Variants in PCDHA12 observed in about 807,000 individuals in gnomAD.
PCDHA12 encodes protocadherin alpha 12.
PCDHA12 carries 44 observed loss-of-function variants against 60.0 expected under a neutral mutation model. That is an observed-to-expected ratio of 0.73 (90% CI 0.58 to 0.94). The LOEUF is 0.94. Ranked by LOEUF, PCDHA12 falls within the 40% of genes least tolerant of loss-of-function variation. The pLI, the probability that PCDHA12 is intolerant of heterozygous loss-of-function variation, is 0.00. For missense variants in PCDHA12, 1,276 were observed against 1,239.7 expected (o/e 1.03, Z -0.44); for synonymous variants, 569 against 553.0 (o/e 1.03, Z -0.40).
At chr5:140,923,577 G>C (rs1456273088) in intron 1 of PCDHA12, among the ~76,000 whole-genome samples, 3 of 152,196 alleles carry the variant, frequency 2.0e-5, no homozygotes, top group Non-Finnish European at 4.4e-5. Context: ...CTGCTAAAGA[G>C]AAGGTTTGTT....
chr5:140,876,637 C>T lies in PCDHA12; in HGVS notation c.1165C>T (p.Leu389=). The stretch of plus-strand genomic sequence containing the variant: ...AGCCAATGGACAGGTCATCTGCTCA[C>T]TGACACCTCATGTTCCCTTCAAGCT... ...SGANGQVICS[L]TPHVPFKLVS... The change falls in exon 1 of 4, where the codon CTG becomes TTG. Residue 389 remains leucine, a synonymous_variant. Transcript: ENST00000398631. 1 of 1,614,206 alleles carries T rather than the reference C, an allele frequency of 6.2e-7. No homozygotes were observed. The highest frequency in any genetic ancestry group is 8.5e-7 in the Non-Finnish European group (1 of 1,180,028).
chr5:140,890,585 A>G (rs1158719431), intron 1 of PCDHA12, among the ~76,000 whole-genome samples: 1 of 152,086 alleles, frequency 6.6e-6, no homozygotes, highest in Admixed American at 6.5e-5. Context: ...TATTATTTGG[A>G]AGCCCTTTTC....
At chr5:140,906,709 GC>G (rs1228410148) in intron 1 of PCDHA12, among the ~76,000 whole-genome samples, 7 of 152,190 alleles carry the variant, frequency 4.6e-5, no homozygotes, top group African/African-American at 1.4e-4. Context: ...TTGTAGTCCT[GC>G]CTGGATTGTG....
At chr5:140,946,857 G>T (rs2094041766) in intron 1 of PCDHA12, among the ~76,000 whole-genome samples, 1 of 151,296 alleles carries the variant, frequency 6.6e-6, no homozygotes, top group Non-Finnish European at 1.5e-5. Flanking sequence ...GAGAGATTGA[G>T]GAGAGGTTGG....
At chr5:140,880,643 A>G (rs937655917) in intron 1 of PCDHA12, among the ~76,000 whole-genome samples, 1 of 152,198 alleles carries the variant, frequency 6.6e-6, no homozygotes, top group African/African-American at 2.4e-5. Context: ...TTCACTTGAG[A>G]GCCCAACTGA....
intron 3 of PCDHA12, among the ~76,000 whole-genome samples, chr5:140,997,018 A>G (rs1403831704): frequency 6.6e-6 from 1 of 151,882 alleles, no homozygotes; most frequent in African/African-American, 2.4e-5. Flanking sequence ...ATCCTCCAAT[A>G]TTTTTTTGAA....
intron 3 of PCDHA12, among the ~76,000 whole-genome samples, chr5:140,996,816 A>G (rs1587722851): frequency 6.6e-6 from 1 of 152,264 alleles, no homozygotes; most frequent in Non-Finnish European, 1.5e-5. Flanking sequence ...TTCCAAAAGT[A>G]ACCACTACCA....
chr5:140,882,735 G>C, intron 1 of PCDHA12: 1 of 1,614,216 alleles, frequency 6.2e-7, no homozygotes, highest in Non-Finnish European at 8.5e-7. Flanking sequence ...CCACTAGATG[G>C]CGCATCCGAT....
chr5:141,005,814 A>G (rs947359019), intron 3 of PCDHA12, among the ~76,000 whole-genome samples: 1 of 149,766 alleles, frequency 6.7e-6, no homozygotes, highest in Non-Finnish European at 1.5e-5. Context: ...GGAGCCAGGT[A>G]TGGTGGCCTG....
In PCDHA12 at chr5:141,005,964, A is replaced by G. The variant is rs189203283; in HGVS notation, c.2516-3663A>G. On this transcript the variant is annotated intron_variant, in intron 3 of 3. Transcript: ENST00000398631. The stretch of plus-strand genomic sequence containing the variant: ...CCTATCTCTAACAAACAACAATAAA[A>G]AAACAATTCCAAAGAGTGTTTGAGG... 1.8e-3 allele frequency among the ~76,000 whole-genome samples: 274 copies of G among 152,152 alleles called. 1 individual carries two copies. Among genetic ancestry groups the G allele is most frequent in the Middle Eastern group, 6.8e-3 (2 of 294 alleles).
rs368324550 is a variant in PCDHA12 at position 140,876,480 on chromosome 5, C to A, written c.1008C>A (p.Val336=). 1 of 1,613,992 alleles carries A rather than the reference C, an allele frequency of 6.2e-7. No homozygotes were observed. The highest frequency in any genetic ancestry group is 8.5e-7 in the Non-Finnish European group (1 of 1,179,896). The change falls in exon 1 of 4, where the codon GTC becomes GTA. Residue 336 remains valine (V), a synonymous_variant. Transcript: ENST00000398631. ...GIPSMAGHSM[V]LVEVLDVNDN... ...CTTCCATGGCAGGTCACAGCATGGT[C>A]CTGGTGGAAGTTCTGGACGTGAATG...
chr5:140,956,433 C>T (rs1260145380), intron 1 of PCDHA12, among the ~76,000 whole-genome samples: 6 of 152,098 alleles, frequency 3.9e-5, no homozygotes, highest in African/African-American at 1.4e-4. Context: ...TTTAGTTCTG[C>T]TTATGTGATG....
intron 3 of PCDHA12, among the ~76,000 whole-genome samples, chr5:140,985,897 T>G (rs1037239723): frequency 1.3e-5 from 2 of 151,648 alleles, no homozygotes; most frequent in Non-Finnish European, 2.9e-5. Context: ...CCGCCACCAC[T>G]CCCGTCTAAT....
At position 140,877,676 on chromosome 5, in the gene PCDHA12, G is replaced by T. The variant is rs781985023; in HGVS notation, c.2204G>T (p.Gly735Val). The change falls in exon 1 of 4, where the codon GGC (glycine) becomes GTC (valine). Residue 735 changes from glycine (G) to valine (V), a missense_variant. Gly to Val is a moderately radical substitution (Grantham distance 109). Transcript: ENST00000398631. ...CCCACCGTGAGCCGGTGCGCGCCGG[G>T]CAAGCCCACGCTGGTGTGCTCCAGC... ...APPTVSRCAP[G>V]KPTLVCSSAV... The T allele has an allele frequency of 6.2e-7, 1 of 1,613,606 alleles. No individual in the cohort carries two copies. The highest frequency in any genetic ancestry group is 1.1e-5 in the South Asian group (1 of 91,058).
At chr5:140,966,654 T>G (rs1048894569) in intron 1 of PCDHA12, 2 of 1,185,100 alleles carry the variant, frequency 1.7e-6, no homozygotes, top group Non-Finnish European at 2.2e-6. Flanking sequence ...GCGTGAGCGG[T>G]GGGGGAGCAG....
At chr5:140,933,221 G>T (rs952837794) in intron 1 of PCDHA12, among the ~76,000 whole-genome samples, 1 of 151,758 alleles carries the variant, frequency 6.6e-6, no homozygotes, top group Non-Finnish European at 1.5e-5. Flanking sequence ...CTGTTATATT[G>T]CATTTATGAA....
chr5:140,950,015 T>C (rs2094440217), intron 1 of PCDHA12, among the ~76,000 whole-genome samples: 1 of 151,906 alleles, frequency 6.6e-6, no homozygotes, highest in Admixed American at 6.6e-5. Context: ...TGTACAACCT[T>C]CATAAAATAT....
At chr5:140,927,526 G>T in intron 1 of PCDHA12, 3 of 1,614,086 alleles carry the variant, frequency 1.9e-6, no homozygotes, top group Non-Finnish European at 2.5e-6. Flanking sequence ...CGGGCTACCT[G>T]CCCGCTCAGG....
intron 1 of PCDHA12, chr5:140,967,449 C>T (rs2096141880): frequency 1.2e-6 from 2 of 1,613,586 alleles, no homozygotes; most frequent in Non-Finnish European, 1.7e-6. Context: ...CTGGTTCTCA[C>T]AGCCGTGGAT....
Sources: allele counts gnomAD v4.1 joint callset (sites outside exome capture counted in the v4.1 genomes callset), GRCh38; gene constraint gnomAD v4.1.1; transcripts MANE v1.5; gene names NCBI Gene and HGNC (gene_info 2026-07-23, HGNC 2026-07-21).